The following UGT1A4 variants were observed in gnomAD, a reference collection of about 807,000 sequenced individuals.
UGT1A4 encodes the protein UDP-glucuronosyltransferase 1A4.
A neutral mutation model predicts 41.1 loss-of-function variants in UGT1A4; 32 were observed. That is an observed-to-expected ratio of 0.78 (90% confidence interval 0.59 to 1.05). The LOEUF is 1.05. Ranked by LOEUF, UGT1A4 falls within the 50% of genes least tolerant of loss-of-function variation. UGT1A4 has a pLI of 0.00. For synonymous variants in UGT1A4, 283 were observed against 265.1 expected, an observed-to-expected ratio of 1.07 and a Z score of -0.66; for missense variants, 748 against 677.4, an observed-to-expected ratio of 1.10 and a Z score of -1.16.
At chr2:233,770,241 C>G (rs1700043521) in intron 4 of UGT1A4, 1 of 152,162 alleles carries the variant, frequency 6.6e-6, no homozygotes, top group Non-Finnish European at 1.5e-5. Context: ...CTCCATGATT[C>G]CAACACTCTG....
chr2:233,724,334 G>C (rs2077226090), intron 1 of UGT1A4, among the ~76,000 whole-genome samples: 2 of 148,198 alleles, frequency 1.3e-5, no homozygotes, highest in African/African-American at 5.0e-5. Context: ...GCCAGGCGGG[G>C]GGCTGACCCC....
intron 1 of UGT1A4, chr2:233,721,987 C>T (rs1035516848): frequency 1.5e-5 from 4 of 261,572 alleles, no homozygotes; most frequent in Non-Finnish European, 2.3e-5. Flanking sequence ...GGTAGTTTCA[C>T]GAATGTCCTT....
chr2:233,724,108 C>T (rs1455095780), intron 1 of UGT1A4, among the ~76,000 whole-genome samples: 64 of 55,750 alleles, frequency 1.1e-3, no homozygotes, highest in South Asian at 2.6e-3. Context: ...TAGGGGCGGC[C>T]GGGCAGAGGC....
At chr2:233,736,685 C>G (rs1295548714) in intron 1 of UGT1A4, among the ~76,000 whole-genome samples, 6 of 152,124 alleles carry the variant, frequency 3.9e-5, no homozygotes, top group African/African-American at 1.4e-4. Flanking sequence ...TGTTGGTGAC[C>G]TACAGATGGG....
chr2:233,737,663 G>T (rs918279158), intron 1 of UGT1A4, among the ~76,000 whole-genome samples: 2 of 152,176 alleles, frequency 1.3e-5, no homozygotes, highest in African/African-American at 2.4e-5. Context: ...GCTGCAGATC[G>T]GAGCTGTTCC....
chr2:233,730,948 C>T (rs2078091104), intron 1 of UGT1A4, among the ~76,000 whole-genome samples: 2 of 152,126 alleles, frequency 1.3e-5, no homozygotes, highest in African/African-American at 4.8e-5. Flanking sequence ...ATTTGGGTTT[C>T]GTTGAAATGG....
chr2:233,744,436 C>T (rs183534266), intron 1 of UGT1A4, among the ~76,000 whole-genome samples: 4 of 151,808 alleles, frequency 2.6e-5, no homozygotes, highest in African/African-American at 2.4e-5. Flanking sequence ...ATCTATCATA[C>T]GTACTGCATT....
intron 1 of UGT1A4, chr2:233,747,208 G>A (rs1315527949): frequency 4.4e-6 from 7 of 1,605,016 alleles, no homozygotes; most frequent in Non-Finnish European, 5.1e-6. Flanking sequence ...CGTGTCTTCT[G>A]CTGAGATGGC....
chr2:233,757,535 A>AATATATATACATATAT (rs376887521), intron 1 of UGT1A4, among the ~76,000 whole-genome samples: 314 of 87,900 alleles, frequency 3.6e-3, no homozygotes, highest in Non-Finnish European at 5.4e-3. Context: ...GCCTGTAAGG[A>AATATATATACATATAT]ATATATATAT....
chr2:233,743,528 A>G (rs1026990918), intron 1 of UGT1A4: 10 of 1,367,274 alleles, frequency 7.3e-6, no homozygotes, highest in East Asian at 9.1e-5. Flanking sequence ...CTGCTTCCCC[A>G]GCAGTTCCTC....
At chr2:233,731,289 T>C (rs2078133665) in intron 1 of UGT1A4, among the ~76,000 whole-genome samples, 1 of 152,126 alleles carries the variant, frequency 6.6e-6, no homozygotes, top group East Asian at 1.9e-4. Context: ...TCTTTCTTTT[T>C]TTTTTTTTTA....
chr2:233,762,807 C>G (rs1458193268), intron 1 of UGT1A4, among the ~76,000 whole-genome samples: 1 of 151,450 alleles, frequency 6.6e-6, no homozygotes, highest in Non-Finnish European at 1.5e-5. Flanking sequence ...GCTATCTCAT[C>G]AAAATATTGA....
Position 233,772,929 on chromosome 2 carries a change from C to G in UGT1A4, c.*370C>G, listed in dbSNP as rs1186146273. On this transcript the variant is annotated 3_prime_UTR_variant, in exon 5 of 5. Transcript: ENST00000373409. ...CCCTACTGCAAATGGCAGTTTTAAT[C>G]TTATCTTTTGGCTTCTGCAGATGGT... is the stretch of plus-strand genomic sequence containing the variant. The G allele has an allele frequency of 2.8e-6, 1 of 355,154 alleles. No homozygotes were observed. The highest frequency in any genetic ancestry group is 4.3e-5 in the Admixed American group (1 of 23,230). 22.0% of individuals were successfully genotyped at this position (355,154 alleles called of 1,614,324 possible). A position where few individuals can be genotyped will look rare whatever the true frequency, so the allele number is the denominator to read the frequency against.
chr2:233,770,514 C>T (rs191930447), intron 4 of UGT1A4: 1 of 152,136 alleles, frequency 6.6e-6, no homozygotes, highest in Non-Finnish European at 1.5e-5. Flanking sequence ...AAAAATTACC[C>T]AGGCATGGTG....
At position 233,767,069 on chromosome 2, in the gene UGT1A4, T is replaced by C. The variant is rs778321344; in HGVS notation, c.903T>C (p.His301=). 42 of 1,614,040 alleles carry C rather than the reference T, an allele frequency of 2.6e-5. No homozygotes were observed. The highest frequency in any genetic ancestry group is 3.4e-5 in the Non-Finnish European group (40 of 1,180,020). The change falls in exon 2 of 5, where the codon CAT becomes CAC. Residue 301 remains histidine, a synonymous_variant. Transcript: ENST00000373409. ...CCTACATTAATGCTTCTGGAGAACA[T>C]GGAATTGTGGTTTTCTCTTTGGGAT... is the stretch of plus-strand genomic sequence containing the variant. ...FEAYINASGE[H]GIVVFSLGSM...
chr2:233,746,871 T>C (rs1693501074), intron 1 of UGT1A4, among the ~76,000 whole-genome samples: 1 of 151,612 alleles, frequency 6.6e-6, no homozygotes, highest in Admixed American at 6.5e-5. Flanking sequence ...CTGATAAACG[T>C]GGTTAACAGA....
chr2:233,764,410 G>T (rs1287852484), intron 1 of UGT1A4, among the ~76,000 whole-genome samples: 1 of 152,152 alleles, frequency 6.6e-6, no homozygotes, highest in Non-Finnish European at 1.5e-5. Context: ...TCTGCAGTTT[G>T]CCCTGCGTGA....
chr2:233,719,176 A>G lies in UGT1A4; in HGVS notation c.356A>G (p.Asn119Ser), dbSNP rs538162022. 1.9e-6 allele frequency: 3 copies of G among 1,614,116 alleles called. No homozygotes were observed. ...RYSRSMAIMN[N>S]VSLALHRCCV... ...TCTAGAAGTATGGCAATTATGAACA[A>G]TGTATCTTTGGCCCTTCATAGGTGT... Residue 119 changes from asparagine to serine, a missense_variant, in exon 1 of 5, where the codon AAT (asparagine) becomes AGT (serine). By Grantham distance (46) the Asn-to-Ser change is conservative. Transcript: ENST00000373409.
chr2:233,766,614 C>T (rs1699203096), intron 1 of UGT1A4, among the ~76,000 whole-genome samples: 1 of 152,184 alleles, frequency 6.6e-6, no homozygotes, highest in Non-Finnish European at 1.5e-5. Context: ...CCCTCTTCTA[C>T]CCAGCACTTC....
Sources: gnomAD v4.1 joint callset for allele counts (sites outside exome capture counted in the v4.1 genomes callset) on GRCh38, gnomAD v4.1.1 for gene constraint, MANE v1.5 for transcripts, NCBI Gene and HGNC (gene_info 2026-07-23, HGNC 2026-07-21) for gene names.